The following CHRDL2 variants were observed in gnomAD, a reference collection of about 807,000 sequenced individuals.
CHRDL2 encodes the protein chordin-like protein 2.
CHRDL2 carries 41 observed loss-of-function variants against 54.3 expected under a neutral mutation model. The ratio of observed to expected loss-of-function variants is 0.76; its 90% CI spans 0.59 to 0.98. The LOEUF is 0.98. Among genes scored for constraint, CHRDL2 ranks in the 50% least tolerant of loss-of-function variants. The pLI, the probability that CHRDL2 is intolerant of heterozygous loss-of-function variation, is 0.00. For synonymous variants in CHRDL2, 220 were observed against 224.3 expected (o/e 0.98, Z 0.17); for missense variants, 518 against 562.4 (o/e 0.92, Z 0.80).
chr11:74,709,584 A>G (rs1295496722), intron 4 of CHRDL2, among the ~76,000 whole-genome samples: 1 of 152,146 alleles, frequency 6.6e-6, no homozygotes, highest in African/African-American at 2.4e-5. Context: ...TTGATTTATA[A>G]GTAGTCACTC....
chr11:74,729,710 G>T (rs1291555209), intron 1 of CHRDL2, among the ~76,000 whole-genome samples: 2 of 152,218 alleles, frequency 1.3e-5, no homozygotes, highest in Non-Finnish European at 2.9e-5. Context: ...AGTTGGGAAC[G>T]CAGGGTCTTA....
intron 1 of CHRDL2, among the ~76,000 whole-genome samples, chr11:74,728,976 C>T (rs1438951892): frequency 6.6e-6 from 1 of 152,062 alleles, no homozygotes; most frequent in Non-Finnish European, 1.5e-5. Context: ...GAGCTGAAGG[C>T]CAGGGAGGCA....
intron 2 of CHRDL2, among the ~76,000 whole-genome samples, chr11:74,716,779 TG>T (rs2034369984): frequency 6.6e-6 from 1 of 151,546 alleles, no homozygotes; most frequent in Non-Finnish European, 1.5e-5. Flanking sequence ...CAGAATGACA[TG>T]ATCAGTTTCA....
chr11:74,721,974 A>G (rs2034506960), intron 1 of CHRDL2, among the ~76,000 whole-genome samples: 2 of 152,198 alleles, frequency 1.3e-5, no homozygotes, highest in Admixed American at 1.3e-4. Context: ...AGAATTGTCC[A>G]ATGTTGTGGT....
In CHRDL2 at chr11:74,703,893, C is replaced by T. The variant is rs931461901; in HGVS notation, c.752-394G>A. On this transcript the variant is annotated intron_variant, in intron 7 of 10. Coordinates refer to ENST00000376332, the MANE Select transcript of CHRDL2 (RefSeq NM_001278473.3). ...GTGTCCCATCTGAACAAGGCAGGGC[C>T]AGGACTCAGTAGCCCCATAGCTCTT... 2.0e-5 allele frequency among the ~76,000 whole-genome samples: 3 copies of T among 152,292 alleles called. No individual in the cohort carries two copies. The Middle Eastern group carries it at 0.01, about 518-fold the overall frequency.
chr11:74,713,531 C>A, intron 2 of CHRDL2, 52 bp from the exon 3 acceptor site: 1 of 1,440,868 alleles, frequency 6.9e-7, no homozygotes. Flanking sequence ...CGTCTTCCAC[C>A]TGTACCTGTC....
At chr11:74,703,644 G>A (rs1328671732) in intron 7 of CHRDL2, 145 bp from the exon 8 acceptor site, 5 of 674,510 alleles carry the variant, frequency 7.4e-6, no homozygotes, top group Non-Finnish European at 1.2e-5. Context: ...GCATAGGCCA[G>A]GGTATAAAAC....
At chr11:74,702,023 G>C (rs1268411067) in intron 9 of CHRDL2, among the ~76,000 whole-genome samples, 1 of 152,178 alleles carries the variant, frequency 6.6e-6, no homozygotes, top group Non-Finnish European at 1.5e-5. Context: ...GGAGGCTGAT[G>C]CCGGAGGATT....
rs76870383 is a variant in CHRDL2 at position 74,711,274 on chromosome 11, G to A, written c.290-283C>T. Among the ~76,000 whole-genome samples, 1,109 of 152,232 alleles carry A rather than the reference G, an allele frequency of 7.3e-3. 34 individuals are homozygous for A. The East Asian group carries it at 0.11, about 15-fold the overall frequency. ...CCAACCAGAGCAAGAAGGTAAAGCCGGCAGCCTCAGCTTCCGCTCAGTGGG... is the reference window on the plus strand; with the variant it reads ...CCAACCAGAGCAAGAAGGTAAAGCCAGCAGCCTCAGCTTCCGCTCAGTGGG... On this transcript the variant is annotated intron_variant, in intron 3 of 10. Transcript: ENST00000376332.
chr11:74,708,752 T>C (rs2034095641), intron 4 of CHRDL2, among the ~76,000 whole-genome samples: 1 of 152,210 alleles, frequency 6.6e-6, no homozygotes. Flanking sequence ...GGCCCAGTCT[T>C]CAAGCTTTTC....
chr11:74,718,977 T>C, intron 1 of CHRDL2, 145 bp from the exon 2 acceptor site: 1 of 610,562 alleles, frequency 1.6e-6, no homozygotes, highest in South Asian at 2.0e-5. Flanking sequence ...GGGCATGCTC[T>C]CCTAGGCAAG....
At chr11:74,713,734 G>T (rs1241796668) in intron 2 of CHRDL2, among the ~76,000 whole-genome samples, 1 of 152,198 alleles carries the variant, frequency 6.6e-6, no homozygotes, top group African/African-American at 2.4e-5. Context: ...CTTAAACACT[G>T]TCCCCTTCCC....
intron 1 of CHRDL2, among the ~76,000 whole-genome samples, chr11:74,728,872 G>T (rs1189880217): frequency 6.6e-6 from 1 of 152,130 alleles, no homozygotes; most frequent in African/African-American, 2.4e-5. Flanking sequence ...ACCCTAATGA[G>T]TTGGCTCCAA....
chr11:74,703,163 T>A, intron 8 of CHRDL2, 142 bp downstream of exon 8: 1 of 1,095,636 alleles, frequency 9.1e-7, no homozygotes. Flanking sequence ...TCCACTCCTG[T>A]GTGTCTGACA....
chr11:74,710,523 A>G (rs1042580607), intron 4 of CHRDL2, among the ~76,000 whole-genome samples: 3 of 152,202 alleles, frequency 2.0e-5, no homozygotes, highest in South Asian at 2.1e-4. Flanking sequence ...CTCTCATTCA[A>G]TAATCATTAC....
chr11:74,716,732 A>G (rs2034368060), intron 2 of CHRDL2, among the ~76,000 whole-genome samples: 1 of 151,592 alleles, frequency 6.6e-6, no homozygotes, highest in Non-Finnish European at 1.5e-5. Flanking sequence ...TATGTCTGTC[A>G]ATGAGTTCAT....
At chr11:74,710,151 G>A (rs919690427) in intron 4 of CHRDL2, among the ~76,000 whole-genome samples, 62 of 151,362 alleles carry the variant, frequency 4.1e-4, no homozygotes, top group African/African-American at 1.4e-3. Context: ...GGGAGGCGGA[G>A]CTTGCAGTGA....
In CHRDL2 at chr11:74,697,228, C is replaced by T. The variant is rs754557436; in HGVS notation, c.1190G>A (p.Arg397Gln). ...QDFQKEAQHF[R>Q]LLAGPHEGHW... ...ACCTTCGTGGGGGCCAGCGAGCAGT[C>T]GGAAGTGCTGTGCCTCTTTCTGGAA... Residue 397 changes from arginine to glutamine, a missense_variant, in exon 10 of 11, where the codon CGA becomes CAA. Transcript: ENST00000376332. 2.7e-5 allele frequency: 44 copies of T among 1,613,816 alleles called. No individual in the cohort carries two copies. Among genetic ancestry groups the T allele is most frequent in the African/African-American group, 4.0e-5 (3 of 74,936 alleles).
intron 1 of CHRDL2, 129 bp from the exon 2 acceptor site, chr11:74,718,961 A>G: frequency 1.6e-6 from 1 of 629,084 alleles, no homozygotes; most frequent in South Asian, 2.0e-5. Context: ...AATCTGCTAG[A>G]CAACTGGGCA....
Sources: allele counts gnomAD v4.1 joint callset (sites outside exome capture counted in the v4.1 genomes callset), GRCh38; gene constraint gnomAD v4.1.1; transcripts MANE v1.5; gene names NCBI Gene and HGNC (gene_info 2026-07-23, HGNC 2026-07-21).